MAP2K4: variants seen among roughly 807,000 people sequenced by gnomAD.
MAP2K4 encodes the protein dual specificity mitogen-activated protein kinase kinase 4.
Under a neutral mutation model 48.5 loss-of-function variants are expected in MAP2K4, and 4 were observed. The observed-to-expected ratio is 0.08, with a 90% CI of 0.04 to 0.19. The LOEUF (loss-of-function observed/expected upper bound fraction) is 0.19, where lower values mean the gene tolerates loss of function less well. Among genes scored for constraint, MAP2K4 ranks in the 10% least tolerant of loss-of-function variants. MAP2K4 has a pLI of 1.00. For synonymous variants in MAP2K4, 166 were observed against 173.1 expected, an observed-to-expected ratio of 0.96 and a Z score of 0.32; for missense variants, 258 against 493.3, an observed-to-expected ratio of 0.52 and a Z score of 4.52.
intron 1 of MAP2K4, among the ~76,000 whole-genome samples, chr17:12,037,270 C>G (rs1464179983): frequency 6.6e-6 from 1 of 151,920 alleles, no homozygotes. Context: ...AAAAGGAAAC[C>G]ATAAAGAGGA....
At chr17:12,049,432 G>C (rs1457901496) in intron 1 of MAP2K4, among the ~76,000 whole-genome samples, 1 of 152,090 alleles carries the variant, frequency 6.6e-6, no homozygotes, top group Non-Finnish European at 1.5e-5. Flanking sequence ...TTCCTTCCTG[G>C]CTCCTTTCGC....
chr17:12,078,881 T>G (rs1971096984), intron 2 of MAP2K4, among the ~76,000 whole-genome samples: 1 of 152,208 alleles, frequency 6.6e-6, no homozygotes, highest in Non-Finnish European at 1.5e-5. Context: ...TACCTACTGT[T>G]AAAGCAATTG....
At chr17:12,126,883 C>T (rs1266836971) in intron 8 of MAP2K4, among the ~76,000 whole-genome samples, 3 of 152,142 alleles carry the variant, frequency 2.0e-5, no homozygotes, top group African/African-American at 7.2e-5. Flanking sequence ...AATTTTCTAT[C>T]CCTAGATGAG....
chr17:12,029,190 A>G (rs1274560753), intron 1 of MAP2K4, among the ~76,000 whole-genome samples: 1 of 152,066 alleles, frequency 6.6e-6, no homozygotes, highest in African/African-American at 2.4e-5. Context: ...ATGAGGGGCA[A>G]ATGTGGGAAC....
At chr17:12,114,594 G>A (rs1375184509) in intron 7 of MAP2K4, among the ~76,000 whole-genome samples, 1 of 152,092 alleles carries the variant, frequency 6.6e-6, no homozygotes, top group African/African-American at 2.4e-5. Flanking sequence ...GAGTATTTGG[G>A]AAATGTGATT....
chr17:12,141,339 G>A lies in MAP2K4; in HGVS notation c.*79G>A. On this transcript the variant is annotated 3_prime_UTR_variant, in exon 11 of 11. Coordinates refer to ENST00000353533, the MANE Select transcript of MAP2K4 (RefSeq NM_003010.4). ...AAGAATTTTCATCCCGTATCACAGT[G>A]TTTTTATTGCTCGCCCAGACACCAT... 1 of 990,908 alleles carries A rather than the reference G, an allele frequency of 1.0e-6. No homozygotes were observed. The highest frequency in any genetic ancestry group is 2.4e-5 in the East Asian group (1 of 41,900). The allele number at this position is 990,908 out of a possible 1,614,324, so 61.4% of individuals were successfully genotyped here. A position where few individuals can be genotyped will look rare whatever the true frequency, so the allele number is the denominator to read the frequency against.
intron 8 of MAP2K4, among the ~76,000 whole-genome samples, chr17:12,126,795 G>A (rs753041631): frequency 2.6e-5 from 4 of 152,096 alleles, no homozygotes; most frequent in Non-Finnish European, 5.9e-5. Flanking sequence ...TTATTTTCTT[G>A]TGCTTGCTGT....
At chr17:12,109,310 C>T (rs1828216142) in intron 5 of MAP2K4, among the ~76,000 whole-genome samples, 1 of 152,034 alleles carries the variant, frequency 6.6e-6, no homozygotes, top group Admixed American at 6.5e-5. Context: ...ATGATTTATT[C>T]CATATTTGCC....
At chr17:12,028,923 A>G (rs1206697009) in intron 1 of MAP2K4, among the ~76,000 whole-genome samples, 2 of 152,220 alleles carry the variant, frequency 1.3e-5, no homozygotes, top group Admixed American at 1.3e-4. Flanking sequence ...CCTTAAGATA[A>G]TATTCTTTAT....
chr17:12,119,250 G>A (rs943705142), intron 7 of MAP2K4, among the ~76,000 whole-genome samples: 23 of 152,064 alleles, frequency 1.5e-4, no homozygotes, highest in Admixed American at 6.5e-4. Context: ...ATAACTATGT[G>A]TCTCACAAAG....
intron 7 of MAP2K4, among the ~76,000 whole-genome samples, chr17:12,116,954 C>G (rs1972519600): frequency 6.6e-6 from 1 of 152,144 alleles, no homozygotes; most frequent in African/African-American, 2.4e-5. Flanking sequence ...TAATGTGTCA[C>G]TCTACGTTAT....
At position 12,141,512 on chromosome 17, in the gene MAP2K4, A is replaced by T; in HGVS notation, c.*252A>T. On this transcript the variant is annotated 3_prime_UTR_variant, in exon 11 of 11. Coordinates refer to ENST00000353533, the MANE Select transcript of MAP2K4 (RefSeq NM_003010.4). Reference sequence around the variant, plus strand: ...TCTTTTGTGATGAACATATTCATGAAATGTGGAAGTCAGTACGATCAAGTT... The same window carrying T: ...TCTTTTGTGATGAACATATTCATGATATGTGGAAGTCAGTACGATCAAGTT... 2.0e-6 allele frequency: 1 copy of T among 494,308 alleles called. No individual in the cohort carries two copies. Among genetic ancestry groups the T allele is most frequent in the Non-Finnish European group, 3.6e-6 (1 of 275,772 alleles). The allele number at this position is 494,308 out of a possible 1,614,324, so 30.6% of individuals were successfully genotyped here.
rs550057124 is a variant in MAP2K4 at position 12,060,511 on chromosome 17, A to G, written c.218+5520A>G. Among the ~76,000 whole-genome samples, 25 of 152,336 alleles carry G rather than the reference A, an allele frequency of 1.6e-4. No homozygotes were observed. In the East Asian group the frequency reaches 4.4e-3, roughly 27 times the overall value. On this transcript the variant is annotated intron_variant, in intron 2 of 10. Transcript: ENST00000353533. Reference sequence around the variant, plus strand: ...TGCCTTCATTCCCCAGAATAGTCCCAGGACATCTCTGGTGGATTTCTAAGT... The same window carrying G: ...TGCCTTCATTCCCCAGAATAGTCCCGGGACATCTCTGGTGGATTTCTAAGT...
intron 7 of MAP2K4, among the ~76,000 whole-genome samples, chr17:12,117,598 T>G (rs1217773318): frequency 2.3e-4 from 5 of 21,936 alleles, no homozygotes; most frequent in Admixed American, 6.5e-4. Context: ...ACTCACTGTA[T>G]TTTTTTTTGT....
chr17:12,071,998 G>A (rs1204092962), intron 2 of MAP2K4, among the ~76,000 whole-genome samples: 1 of 152,156 alleles, frequency 6.6e-6, no homozygotes, highest in African/African-American at 2.4e-5. Flanking sequence ...AAAAAGTGAT[G>A]AATTCACATG....
chr17:12,142,213 A>T lies in MAP2K4; in HGVS notation c.*953A>T. The T allele has an allele frequency of 4.3e-6, 1 of 233,598 alleles. No individual in the cohort carries two copies. Among genetic ancestry groups the T allele is most frequent in the Non-Finnish European group, 8.5e-6 (1 of 117,956 alleles). 14.5% of individuals were successfully genotyped at this position (233,598 alleles called of 1,614,324 possible). A position where few individuals can be genotyped will look rare whatever the true frequency, so the allele number is the denominator to read the frequency against. ...ATTTCCCCTTGGTCCCAAGCCTGAT[A>T]CTTTAGCCATCATAACTCACTAACA... On this transcript the variant is annotated 3_prime_UTR_variant, in exon 11 of 11. Transcript: ENST00000353533.
chr17:12,066,760 G>T (rs1401525079), intron 2 of MAP2K4, among the ~76,000 whole-genome samples: 2 of 152,024 alleles, frequency 1.3e-5, no homozygotes, highest in Non-Finnish European at 2.9e-5. Flanking sequence ...CGTGATCTCC[G>T]CTCACTGCAA....
chr17:12,123,719 G>T (rs1972766826), intron 7 of MAP2K4, among the ~76,000 whole-genome samples: 1 of 152,104 alleles, frequency 6.6e-6, no homozygotes, highest in Admixed American at 6.6e-5. Context: ...ATTTTGGGAA[G>T]TTGTAATTTC....
At chr17:12,119,151 C>T (rs556857349) in intron 7 of MAP2K4, among the ~76,000 whole-genome samples, 48 of 152,090 alleles carry the variant, frequency 3.2e-4, no homozygotes, top group African/African-American at 1.2e-3. Flanking sequence ...GGAAGAAATG[C>T]CCATAGACAA....
Sources: gnomAD v4.1 joint callset for allele counts (sites outside exome capture counted in the v4.1 genomes callset) on GRCh38, gnomAD v4.1.1 for gene constraint, MANE v1.5 for transcripts, NCBI Gene and HGNC (gene_info 2026-07-23, HGNC 2026-07-21) for gene names.